Variants in SLC39A11 observed in about 807,000 individuals in gnomAD.
SLC39A11 encodes the protein solute carrier family 39 member 11, also known as zinc transporter ZIP11.
In SLC39A11, 33 loss-of-function variants were observed where a neutral mutation model predicts 36.1. That is an observed-to-expected ratio of 0.91 (90% CI 0.69 to 1.22). The LOEUF is 1.22. Ranked by LOEUF, SLC39A11 falls within the 50% of genes most tolerant of loss-of-function variation. SLC39A11 has a pLI of 0.00. For synonymous variants in SLC39A11, 166 were observed against 170.3 expected, an observed-to-expected ratio of 0.97 and a Z score of 0.20; for missense variants, 432 against 430.3, an observed-to-expected ratio of 1.00 and a Z score of -0.03.
At chr17:73,015,996 T>C (rs1341689490) in intron 4 of SLC39A11, among the ~76,000 whole-genome samples, 1 of 152,212 alleles carries the variant, frequency 6.6e-6, no homozygotes, top group Non-Finnish European at 1.5e-5. Flanking sequence ...ATAGCCATCT[T>C]GGACAGCTGG....
At chr17:72,971,573 AC>A (rs1318070124) in intron 4 of SLC39A11, among the ~76,000 whole-genome samples, 1 of 152,202 alleles carries the variant, frequency 6.6e-6, no homozygotes, top group African/African-American at 2.4e-5. Context: ...TGCCATCAGC[AC>A]TTGTGATCAA....
At chr17:72,967,186 G>A (rs910027420) in intron 4 of SLC39A11, among the ~76,000 whole-genome samples, 2 of 152,134 alleles carry the variant, frequency 1.3e-5, no homozygotes, top group African/African-American at 2.4e-5. Context: ...TAAAGTGCAC[G>A]ATAAGTGTAA....
At position 72,986,089 on chromosome 17, in the gene SLC39A11, T is replaced by A. The variant is rs532051386; in HGVS notation, c.307-38214A>T. Among the ~76,000 whole-genome samples the A allele has an allele frequency of 6.6e-5, 10 of 152,272 alleles. No individual in the cohort carries two copies. The South Asian group carries it at 1.9e-3, about 28-fold the overall frequency. Reference sequence around the variant, plus strand: ...CCCTGCTGACATCTTGAGGTCAGAATCTTAGAACTACTTTCCAGAAAGTTC... The same window carrying A: ...CCCTGCTGACATCTTGAGGTCAGAAACTTAGAACTACTTTCCAGAAAGTTC... On this transcript the variant is annotated intron_variant, in intron 4 of 9. Coordinates refer to ENST00000255559, the MANE Select transcript of SLC39A11 (RefSeq NM_139177.4).
intron 4 of SLC39A11, among the ~76,000 whole-genome samples, chr17:72,999,916 T>C (rs1178242817): frequency 6.6e-6 from 1 of 151,972 alleles, no homozygotes; most frequent in Non-Finnish European, 1.5e-5. Flanking sequence ...AAGTTTTGTA[T>C]TTTTAGTAGA....
chr17:72,789,127 C>T (rs971870944), intron 6 of SLC39A11, among the ~76,000 whole-genome samples: 8 of 151,868 alleles, frequency 5.3e-5, no homozygotes, highest in Non-Finnish European at 7.4e-5. Context: ...CTCTGCCTCC[C>T]GGGTCCAAGC....
chr17:72,676,590 A>C (rs890870856), intron 7 of SLC39A11, among the ~76,000 whole-genome samples: 1 of 152,170 alleles, frequency 6.6e-6, no homozygotes, highest in South Asian at 2.1e-4. Flanking sequence ...CTGTCCTTAG[A>C]AATGTCTGCT....
At chr17:73,078,931 G>A (rs1214414813) in intron 3 of SLC39A11, among the ~76,000 whole-genome samples, 2 of 136,638 alleles carry the variant, frequency 1.5e-5, no homozygotes, top group Non-Finnish European at 3.3e-5. Context: ...TTGTTTGCAT[G>A]TTACATTTTA....
intron 5 of SLC39A11, among the ~76,000 whole-genome samples, chr17:72,856,744 A>C (rs919991197): frequency 1.3e-4 from 20 of 151,874 alleles, no homozygotes; most frequent in African/African-American, 4.8e-4. Context: ...GCAGTGGCGC[A>C]ATCTCGGTTC....
At chr17:72,882,360 TAA>T (rs11332921) in intron 5 of SLC39A11, among the ~76,000 whole-genome samples, 11,100 of 126,212 alleles carry the variant, frequency 0.088, 1,351 homozygotes, top group African/African-American at 0.29. Context: ...TTCCTATATC[TAA>T]AAAAAAAAAA....
chr17:72,776,662 G>C (rs936255521), intron 6 of SLC39A11, among the ~76,000 whole-genome samples: 3 of 146,522 alleles, frequency 2.0e-5, no homozygotes, highest in African/African-American at 7.6e-5. Flanking sequence ...CCAGCTGCTA[G>C]ACAGAGGAAG....
chr17:72,810,324 T>G (rs1003208125), intron 6 of SLC39A11, among the ~76,000 whole-genome samples: 1 of 152,188 alleles, frequency 6.6e-6, no homozygotes, highest in Non-Finnish European at 1.5e-5. Flanking sequence ...TTTCTCCTAA[T>G]AGCCCAAACT....
intron 4 of SLC39A11, among the ~76,000 whole-genome samples, chr17:73,009,914 T>G (rs1308020317): frequency 6.8e-6 from 1 of 147,424 alleles, no homozygotes. Flanking sequence ...CAGGCCCCAG[T>G]GTGTGATGTT....
At chr17:73,069,222 A>G (rs2060086562) in intron 3 of SLC39A11, among the ~76,000 whole-genome samples, 1 of 152,216 alleles carries the variant, frequency 6.6e-6, no homozygotes. Flanking sequence ...AACTAGAAGT[A>G]ACCTCCCTGT....
chr17:72,672,127 A>C (rs913701858), intron 7 of SLC39A11, among the ~76,000 whole-genome samples: 21 of 152,354 alleles, frequency 1.4e-4, no homozygotes, highest in African/African-American at 4.8e-4. Context: ...TTCACTATAA[A>C]TATGTATATA....
At chr17:72,929,690 C>T (rs1598453224) in intron 5 of SLC39A11, among the ~76,000 whole-genome samples, 1 of 152,118 alleles carries the variant, frequency 6.6e-6, no homozygotes. Flanking sequence ...CTTTGATAGT[C>T]ATAGCAGACG....
intron 6 of SLC39A11, among the ~76,000 whole-genome samples, chr17:72,788,111 C>T (rs1292515519): frequency 6.6e-6 from 1 of 152,206 alleles, no homozygotes. Flanking sequence ...ATCATTGCTT[C>T]CCAGCATTTA....
chr17:72,838,323 G>T (rs1028605578), intron 6 of SLC39A11, among the ~76,000 whole-genome samples: 2 of 151,644 alleles, frequency 1.3e-5, no homozygotes, highest in South Asian at 4.2e-4. Flanking sequence ...TGACCTCCAG[G>T]GTTCAAGCAA....
chr17:72,937,976 G>C (rs1024536797), intron 5 of SLC39A11, among the ~76,000 whole-genome samples: 1 of 152,238 alleles, frequency 6.6e-6, no homozygotes, highest in Non-Finnish European at 1.5e-5. Context: ...GGCAGACAGA[G>C]AGAGTGAATT....
chr17:72,884,575 C>T (rs2081361263), intron 5 of SLC39A11, among the ~76,000 whole-genome samples: 1 of 152,212 alleles, frequency 6.6e-6, no homozygotes, highest in Non-Finnish European at 1.5e-5. Flanking sequence ...TTCAGGTAGT[C>T]ATTGGTTCTA....
Sources: gnomAD v4.1 joint callset for allele counts (sites outside exome capture counted in the v4.1 genomes callset) on GRCh38, gnomAD v4.1.1 for gene constraint, MANE v1.5 for transcripts, NCBI Gene and HGNC (gene_info 2026-07-23, HGNC 2026-07-21) for gene names.